Variants in SRGAP1 observed in about 807,000 individuals in gnomAD.
SRGAP1 encodes SLIT-ROBO Rho GTPase activating protein 1, also known as SLIT-ROBO Rho GTPase-activating protein 1.
In SRGAP1, 43 loss-of-function variants were observed where a neutral mutation model predicts 121.9. That is an observed-to-expected ratio of 0.35 (90% CI 0.28 to 0.46). The LOEUF is 0.46. Among genes scored for constraint, SRGAP1 ranks in the 20% least tolerant of loss-of-function variants. SRGAP1 has a pLI of 1.00. For synonymous variants in SRGAP1, 447 were observed against 485.4 expected (o/e 0.92, Z 1.04); for missense variants, 1,102 against 1,350.9 (o/e 0.82, Z 2.89).
At chr12:63,997,974 G>A (rs1168790576) in intron 3 of SRGAP1, among the ~76,000 whole-genome samples, 1 of 152,006 alleles carries the variant, frequency 6.6e-6, no homozygotes, top group East Asian at 1.9e-4. Flanking sequence ...TCGACTTCAA[G>A]CAGAGCCTAT....
At chr12:64,041,703 C>T (rs2136504030) in intron 4 of SRGAP1, among the ~76,000 whole-genome samples, 1 of 151,798 alleles carries the variant, frequency 6.6e-6, no homozygotes, top group Admixed American at 6.6e-5. Flanking sequence ...GTTTTAACTG[C>T]CATCCCCTCA....
At position 64,157,938 on chromosome 12, in the gene SRGAP1, G is replaced by A. The variant is rs1737441369; in HGVS notation, c.*15266G>A. 6.6e-6 allele frequency: 1 copy of A among 152,232 alleles called. No homozygotes were observed. 9.4% of individuals were successfully genotyped at this position (152,232 alleles called of 1,614,324 possible). A position where few individuals can be genotyped will look rare whatever the true frequency, so the allele number is the denominator to read the frequency against. On this transcript the variant is annotated 3_prime_UTR_variant, in exon 22 of 22. Coordinates refer to ENST00000355086, the MANE Select transcript of SRGAP1 (RefSeq NM_020762.4). ...TGCCACCTTAGTACGTGGCCACCAT[G>A]AAGAGGAAGAGAAAGCACTTGCAAT...
chr12:64,085,386 G>A (rs1406918085), intron 10 of SRGAP1, among the ~76,000 whole-genome samples: 4 of 152,080 alleles, frequency 2.6e-5, no homozygotes, highest in African/African-American at 4.8e-5. Flanking sequence ...CATAAAGTAT[G>A]CAACATAACA....
intron 1 of SRGAP1, among the ~76,000 whole-genome samples, chr12:63,863,954 G>A (rs936001740): frequency 2.0e-5 from 3 of 152,070 alleles, no homozygotes; most frequent in Non-Finnish European, 4.4e-5. Flanking sequence ...ATTTGAATAC[G>A]GTTTGAACCC....
chr12:63,951,678 C>G (rs748181635), intron 1 of SRGAP1, among the ~76,000 whole-genome samples: 27 of 152,086 alleles, frequency 1.8e-4, no homozygotes, highest in Middle Eastern at 3.4e-3. Flanking sequence ...CACCATGGCT[C>G]TTTATTTTAT....
intron 8 of SRGAP1, among the ~76,000 whole-genome samples, chr12:64,065,663 G>T (rs1393177656): frequency 6.6e-6 from 1 of 152,164 alleles, no homozygotes; most frequent in Non-Finnish European, 1.5e-5. Context: ...TCCTGCCTTG[G>T]CCTCCCAAAG....
intron 12 of SRGAP1, among the ~76,000 whole-genome samples, chr12:64,093,272 T>C (rs1206503448): frequency 6.6e-6 from 1 of 152,150 alleles, no homozygotes; most frequent in African/African-American, 2.4e-5. Context: ...AAATCACATA[T>C]ACTCATTACT....
At chr12:63,900,212 T>TCTTTTTTTC (rs1555236574) in intron 1 of SRGAP1, among the ~76,000 whole-genome samples, 2 of 127,114 alleles carry the variant, frequency 1.6e-5, no homozygotes, top group African/African-American at 2.9e-5. Context: ...TTCTTTTTTT[T>TCTTTTTTTC]TTTTTTTTTT....
chr12:63,972,251 C>G (rs933394817), intron 1 of SRGAP1, among the ~76,000 whole-genome samples: 1 of 152,086 alleles, frequency 6.6e-6, no homozygotes, highest in Admixed American at 6.6e-5. Flanking sequence ...TCAGTGTTTC[C>G]TTTGTCAGTG....
chr12:63,866,049 A>G (rs1899618780), intron 1 of SRGAP1, among the ~76,000 whole-genome samples: 1 of 139,052 alleles, frequency 7.2e-6, no homozygotes, highest in Non-Finnish European at 1.5e-5. Flanking sequence ...ACAACACTTC[A>G]AAATGACGTT....
intron 8 of SRGAP1, among the ~76,000 whole-genome samples, chr12:64,070,740 C>T (rs2035622366): frequency 6.6e-6 from 1 of 152,130 alleles, no homozygotes; most frequent in South Asian, 2.1e-4. Context: ...TTTAGGCAAA[C>T]ATTTGAGACA....
chr12:63,994,208 AT>A (rs1488274314), intron 3 of SRGAP1, among the ~76,000 whole-genome samples: 1 of 152,176 alleles, frequency 6.6e-6, no homozygotes, highest in African/African-American at 2.4e-5. Context: ...TTTATCTAAT[AT>A]CTTTATTATT....
At chr12:63,882,243 C>A (rs368321080) in intron 1 of SRGAP1, among the ~76,000 whole-genome samples, 2 of 151,882 alleles carry the variant, frequency 1.3e-5, no homozygotes, top group East Asian at 1.9e-4. Context: ...CCTTTACTAT[C>A]CAGTGTTTAT....
chr12:63,878,632 G>A (rs984537880), intron 1 of SRGAP1, among the ~76,000 whole-genome samples: 9 of 152,198 alleles, frequency 5.9e-5, no homozygotes, highest in Non-Finnish European at 1.3e-4. Context: ...TCTAGAACAC[G>A]GTAGGGATGA....
At chr12:63,916,038 T>C (rs2030760330) in intron 1 of SRGAP1, among the ~76,000 whole-genome samples, 1 of 146,404 alleles carries the variant, frequency 6.8e-6, no homozygotes, top group Non-Finnish European at 1.5e-5. Flanking sequence ...TTTTCTTTTT[T>C]TTTTTTTTTT....
chr12:64,017,114 T>C (rs2034424130), intron 4 of SRGAP1, 102 bp downstream of exon 4: 1 of 679,056 alleles, frequency 1.5e-6, no homozygotes, highest in Non-Finnish European at 2.5e-6. Context: ...AGAGTGACAA[T>C]GGATCCTCAT....
intron 1 of SRGAP1, among the ~76,000 whole-genome samples, chr12:63,863,148 G>A (rs540924700): frequency 6.6e-6 from 1 of 152,152 alleles, no homozygotes; most frequent in Non-Finnish European, 1.5e-5. Flanking sequence ...TAGGTTTTGA[G>A]ATTTAGAAAA....
chr12:64,023,204 CAAAAAAAAAAAAAA>C (rs11312893), intron 4 of SRGAP1, among the ~76,000 whole-genome samples: 2 of 77,114 alleles, frequency 2.6e-5, no homozygotes, highest in Admixed American at 1.6e-4. Flanking sequence ...ACTTTTGTAC[CAAAAAAAAAAAAAA>C]AAAAAAAAAG....
chr12:64,002,792 AT>A (rs1392421297), intron 3 of SRGAP1, among the ~76,000 whole-genome samples: 6 of 152,136 alleles, frequency 3.9e-5, no homozygotes, highest in African/African-American at 1.4e-4. Context: ...AACCAGATTG[AT>A]TTCCTGATAG....
Sources: allele counts gnomAD v4.1 joint callset (sites outside exome capture counted in the v4.1 genomes callset), GRCh38; gene constraint gnomAD v4.1.1; transcripts MANE v1.5; gene names NCBI Gene and HGNC (gene_info 2026-07-23, HGNC 2026-07-21).